TVP23C: variants seen among roughly 807,000 people sequenced by gnomAD.
The protein encoded by TVP23C is Golgi apparatus membrane protein TVP23 homolog C.
Under a neutral mutation model 28.7 loss-of-function variants are expected in TVP23C, and 19 were observed. The ratio of observed to expected loss-of-function variants is 0.66; its 90% CI spans 0.46 to 0.97. The LOEUF (loss-of-function observed/expected upper bound fraction) is 0.97. Among genes scored for constraint, TVP23C ranks in the 50% least tolerant of loss-of-function variants. TVP23C has a pLI of 0.00. For synonymous variants in TVP23C, 68 were observed against 81.7 expected, an observed-to-expected ratio of 0.83 and a Z score of 0.90; for missense variants, 186 against 241.3, an observed-to-expected ratio of 0.77 and a Z score of 1.52.
chr17:15,554,817 T>C (rs528553942), intron 2 of TVP23C, among the ~76,000 whole-genome samples: 17 of 152,178 alleles, frequency 1.1e-4, no homozygotes, highest in Non-Finnish European at 2.2e-4. Context: ...AATCATACAA[T>C]ATGTGGTCTT....
intron 5 of TVP23C, among the ~76,000 whole-genome samples, chr17:15,529,250 G>A (rs1470225918): frequency 6.6e-6 from 1 of 151,982 alleles, no homozygotes; most frequent in African/African-American, 2.4e-5. Context: ...TCAGGAGTTT[G>A]AGACCAGCCT....
chr17:15,506,281 G>T (rs1981736312), intron 5 of TVP23C, among the ~76,000 whole-genome samples: 1 of 152,218 alleles, frequency 6.6e-6, no homozygotes, highest in South Asian at 2.1e-4. Flanking sequence ...CTGCTCTGGT[G>T]GGGCCTTGGA....
chr17:15,533,309 T>C (rs1983023082), downstream of TVP23C, among the ~76,000 whole-genome samples: 1 of 152,242 alleles, frequency 6.6e-6, no homozygotes, highest in Non-Finnish European at 1.5e-5. Flanking sequence ...AATCATTAGA[T>C]GCTTGCATAT....
At position 15,558,195 on chromosome 17, in the gene TVP23C, G is replaced by A. The variant is rs192677215; in HGVS notation, c.13-2831C>T. ...TAAAAAGCTGAGGCCTTCTGCTCTC[G>A]ATCCCAACAGTCTAATCGCCATCCA... On this transcript the variant is annotated intron_variant, in intron 1 of 5. Transcript: ENST00000518321. Among the ~76,000 whole-genome samples the A allele has an allele frequency of 3.4e-5, 5 of 147,378 alleles. 1 individual carries two copies. Among genetic ancestry groups the A allele is most frequent in the South Asian group, 2.2e-4 (1 of 4,446 alleles).
At chr17:15,523,767 C>A (rs1982589214) in intron 5 of TVP23C, among the ~76,000 whole-genome samples, 1 of 152,038 alleles carries the variant, frequency 6.6e-6, no homozygotes, top group African/African-American at 2.4e-5. Flanking sequence ...GCGCCCGCCA[C>A]CATGCCCGGC....
chr17:15,522,414 A>C (rs1310348954), intron 5 of TVP23C, among the ~76,000 whole-genome samples: 2 of 152,158 alleles, frequency 1.3e-5, no homozygotes, highest in African/African-American at 4.8e-5. Context: ...CCTATAAATA[A>C]ATAAGGAAAA....
intron 5 of TVP23C, among the ~76,000 whole-genome samples, chr17:15,543,895 G>A (rs536373799): frequency 4.6e-5 from 7 of 151,836 alleles, no homozygotes; most frequent in East Asian, 1.9e-4. Context: ...CAACATAAAC[G>A]TAACTGGTAC....
intron 5 of TVP23C, among the ~76,000 whole-genome samples, chr17:15,511,854 T>C (rs1982020243): frequency 6.6e-6 from 1 of 152,240 alleles, no homozygotes; most frequent in South Asian, 2.1e-4. Context: ...ATCTAATATG[T>C]AAAATTAAGT....
exon 6 of TVP23C, chr17:15,502,439 T>C (rs72824491): frequency 0.069 from 11,470 of 166,140 alleles, 466 homozygotes; most frequent in African/African-American, 0.079. Flanking sequence ...AAGGTGGAGG[T>C]CTCCACCCCT....
At chr17:15,511,444 C>T (rs1389025459) in intron 5 of TVP23C, among the ~76,000 whole-genome samples, 4 of 152,126 alleles carry the variant, frequency 2.6e-5, no homozygotes, top group African/African-American at 7.2e-5. Context: ...ACAGCAGCAT[C>T]CTAAAAGTTA....
intron 3 of TVP23C, among the ~76,000 whole-genome samples, chr17:15,549,506 CTG>C: frequency 6.6e-6 from 1 of 152,156 alleles, no homozygotes; most frequent in South Asian, 2.1e-4. Context: ...TAGTGAAACC[CTG>C]CCTCTACTAA....
rs1162180988 is a variant in TVP23C, at chr17:15,538,188, A to C, written c.*2224T>G. ...ACAAAAAAAGAACTCCTTAACATCA[A>C]AGTTATTTCACTTCACACACCATGG... On this transcript the variant is annotated 3_prime_UTR_variant, in exon 6 of 6. Transcript: ENST00000518321. 1 of 1,613,568 alleles carries C rather than the reference A, an allele frequency of 6.2e-7. No individual in the cohort carries two copies. The highest frequency in any genetic ancestry group is 1.7e-5 in the Admixed American group (1 of 59,926).
chr17:15,557,301 T>C (rs1186346108), intron 1 of TVP23C, among the ~76,000 whole-genome samples: 3 of 146,486 alleles, frequency 2.0e-5, no homozygotes, highest in Non-Finnish European at 4.6e-5. Flanking sequence ...TTTTTTTTTT[T>C]TTTTTTTGAG....
chr17:15,520,225 C>T (rs934816155), intron 5 of TVP23C, among the ~76,000 whole-genome samples: 1 of 151,520 alleles, frequency 6.6e-6, no homozygotes, highest in Admixed American at 6.6e-5. Context: ...CCATACAGAA[C>T]ACAAACAACC....
In TVP23C at chr17:15,502,729, T is replaced by C. The variant is rs933053251; in HGVS notation, c.*135A>G. ...GTTCTTTCTCTCTCTCCTCTCTCTC[T>C]CTTTCTCTCTCCTCTCTCCCGTCTC... On this transcript the variant is annotated 3_prime_UTR_variant, in exon 6 of 6. Transcript: ENST00000225576. 9 of 926,948 alleles carry C rather than the reference T, an allele frequency of 9.7e-6. No individual in the cohort carries two copies. The Middle Eastern group carries it at 1.3e-3, about 130-fold the overall frequency. 57.4% of individuals were successfully genotyped at this position (926,948 alleles called of 1,614,324 possible).
chr17:15,528,143 T>G (rs1433041188), intron 5 of TVP23C, among the ~76,000 whole-genome samples: 1 of 152,188 alleles, frequency 6.6e-6, no homozygotes, highest in Non-Finnish European at 1.5e-5. Flanking sequence ...TCCTTCTGCT[T>G]ACTTTGATTT....
Position 15,563,428 on chromosome 17 carries a change from G to A in TVP23C, c.12+9C>T. On this transcript the variant is annotated intron_variant, in intron 1 of 5. Transcript: ENST00000518321. The stretch of plus-strand genomic sequence containing the variant: ...CCGCCACCCTCCCAGCGCGCCCTCA[G>A]CCCCTCACCTGCTGCAACATGGCGG... 2 of 1,593,600 alleles carry A rather than the reference G, an allele frequency of 1.3e-6. No individual in the cohort carries two copies. Among genetic ancestry groups the A allele is most frequent in the Non-Finnish European group, 1.7e-6 (2 of 1,171,986 alleles).
chr17:15,516,335 A>G (rs1175189278), intron 5 of TVP23C: 1 of 152,320 alleles, frequency 6.6e-6, no homozygotes, highest in East Asian at 1.9e-4. Context: ...GCAGGAAGAG[A>G]TGGTTAGTAC....
chr17:15,545,116 A>G (rs780054380), intron 5 of TVP23C, among the ~76,000 whole-genome samples: 19 of 152,198 alleles, frequency 1.2e-4, no homozygotes, highest in Non-Finnish European at 2.4e-4. Context: ...CTTATTCCTT[A>G]TCAAGAGTAG....
Sources: gnomAD v4.1 joint callset for allele counts (sites outside exome capture counted in the v4.1 genomes callset) on GRCh38, gnomAD v4.1.1 for gene constraint, MANE v1.5 for transcripts, NCBI Gene and HGNC (gene_info 2026-07-23, HGNC 2026-07-21) for gene names.